TMC2: variants seen among roughly 807,000 people sequenced by gnomAD.
TMC2 encodes the protein transmembrane channel-like protein 2.
A neutral mutation model predicts 105.9 loss-of-function variants in TMC2; 102 were observed. That is an observed-to-expected ratio of 0.96 (90% CI 0.82 to 1.14). TMC2 has a LOEUF of 1.14. Among genes scored for constraint, TMC2 ranks in the 50% most tolerant of loss-of-function variants. The pLI is 0.00. For synonymous variants in TMC2, 402 were observed against 422.8 expected, an observed-to-expected ratio of 0.95 and a Z score of 0.60; for missense variants, 1,093 against 1,134.3, an observed-to-expected ratio of 0.96 and a Z score of 0.52.
intron 17 of TMC2, among the ~76,000 whole-genome samples, chr20:2,629,794 G>T (rs1199290198): frequency 6.6e-6 from 1 of 152,186 alleles, no homozygotes; most frequent in African/African-American, 2.4e-5. Context: ...TAGACCAGGG[G>T]TCATCAAACT....
At chr20:2,552,526 T>C (rs1480350622) in intron 2 of TMC2, among the ~76,000 whole-genome samples, 2 of 152,144 alleles carry the variant, frequency 1.3e-5, no homozygotes, top group Non-Finnish European at 1.5e-5. Context: ...CATTTATTTG[T>C]TTGTTTGTTT....
chr20:2,541,736 G>T (rs1157232579), intron 2 of TMC2, among the ~76,000 whole-genome samples: 1 of 151,970 alleles, frequency 6.6e-6, no homozygotes, highest in African/African-American at 2.4e-5. Context: ...TGCATAAAGA[G>T]TTGCTTTACA....
At chr20:2,612,442 C>G (rs1187408654) in intron 13 of TMC2, 102 bp downstream of exon 13, 1 of 1,155,922 alleles carries the variant, frequency 8.7e-7, no homozygotes, top group Admixed American at 2.8e-5. Context: ...AACTTACCAG[C>G]TGTTCATCCA....
At chr20:2,611,901 G>T (rs1028733293) in intron 12 of TMC2, among the ~76,000 whole-genome samples, 7 of 151,326 alleles carry the variant, frequency 4.6e-5, no homozygotes, top group Admixed American at 1.3e-4. Context: ...TGGATGGATG[G>T]ATGGATGGAT....
chr20:2,623,961 A>G (rs2086545384), intron 16 of TMC2, among the ~76,000 whole-genome samples: 1 of 151,578 alleles, frequency 6.6e-6, no homozygotes, highest in African/African-American at 2.4e-5. Flanking sequence ...GTTAGAATAC[A>G]TGAGGAAAAC....
chr20:2,637,440 T>TGGGC (rs1568533373), intron 18 of TMC2, 34 bp from the exon 19 acceptor site: 3 of 1,459,808 alleles, frequency 2.1e-6, no homozygotes, highest in Admixed American at 1.7e-5. Flanking sequence ...ACCCATTTCC[T>TGGGC]GGGCCAGGAC....
intron 7 of TMC2, among the ~76,000 whole-genome samples, chr20:2,585,714 A>G (rs1333223894): frequency 1.3e-5 from 2 of 152,212 alleles, no homozygotes; most frequent in East Asian, 3.8e-4. Flanking sequence ...CCCAAGGTTC[A>G]GGTACTCAGT....
chr20:2,582,904 G>C (rs951487522), intron 7 of TMC2, among the ~76,000 whole-genome samples: 22 of 152,134 alleles, frequency 1.4e-4, no homozygotes, highest in African/African-American at 5.3e-4. Flanking sequence ...AATTGCCATT[G>C]CCTGCACAAC....
intron 16 of TMC2, among the ~76,000 whole-genome samples, chr20:2,623,914 G>A (rs1357593535): frequency 1.3e-5 from 2 of 152,220 alleles, no homozygotes; most frequent in Non-Finnish European, 2.9e-5. Context: ...GAAGCTCCAT[G>A]TTGGCCTGGT....
intron 18 of TMC2, among the ~76,000 whole-genome samples, chr20:2,637,110 C>G (rs1224959116): frequency 1.3e-5 from 2 of 151,774 alleles, no homozygotes. Context: ...GAAAACAGGC[C>G]GGGCATGGTG....
chr20:2,557,278 TTC>T (rs2085990608), intron 2 of TMC2, among the ~76,000 whole-genome samples: 1 of 152,240 alleles, frequency 6.6e-6, no homozygotes, highest in African/African-American at 2.4e-5. Flanking sequence ...GAAATTTCTT[TTC>T]TTTTTGCTTT....
chr20:2,616,536 A>AGAG lies in TMC2; in HGVS notation c.1940+338_1940+340dup, dbSNP rs72343949. On this transcript the variant is annotated intron_variant, in intron 15 of 19. Transcript: ENST00000358864. This position sits in a 1 kb window ranked among gnomAD's most constrained non-coding sequence, Gnocchi z 4.8. ...GAAAGGGAAAAGGAAGGAGTAAAGA[A>AGAG]GAGGAGGAAAAGAGGAGGAAAGGAA... Among the ~76,000 whole-genome samples, 1 of 102,630 alleles carries AGAG rather than the reference A, an allele frequency of 9.7e-6. No individual in the cohort carries two copies. Among genetic ancestry groups the AGAG allele is most frequent in the East Asian group, 3.9e-4 (1 of 2,566 alleles). The allele number at this position is 102,630 out of a possible 152,430, so 67.3% of individuals were successfully genotyped here. A position where few individuals can be genotyped will look rare whatever the true frequency, so the allele number is the denominator to read the frequency against.
At position 2,612,341 on chromosome 20, in the gene TMC2, G is replaced by A. The variant is rs756795730; in HGVS notation, c.1743+1G>A. On this transcript the variant is annotated splice_donor_variant, in intron 13 of 19. Transcript: ENST00000358864. LOFTEE classifies it high-confidence loss of function. ...TTGCTGGGAGACAGCTGTGGGCATT[G>A]TGAGTAGTTACACTCTCTAAAAAGG... The A allele has an allele frequency of 6.4e-7, 1 of 1,567,458 alleles. No individual in the cohort carries two copies.
chr20:2,590,141 A>T (rs921324280), intron 7 of TMC2, among the ~76,000 whole-genome samples: 1 of 152,216 alleles, frequency 6.6e-6, no homozygotes, highest in African/African-American at 2.4e-5. Flanking sequence ...GTAATGTTGT[A>T]TGAAAAAAAC....
intron 6 of TMC2, 116 bp from the exon 7 acceptor site, chr20:2,579,834 C>T (rs2086175719): frequency 1.6e-6 from 1 of 625,020 alleles, no homozygotes; most frequent in Non-Finnish European, 2.9e-6. Flanking sequence ...AAGGGAGATC[C>T]AGGTGTCATT....
chr20:2,571,427 A>G (rs916216368), intron 4 of TMC2, among the ~76,000 whole-genome samples: 1 of 152,238 alleles, frequency 6.6e-6, no homozygotes, highest in Non-Finnish European at 1.5e-5. Flanking sequence ...TATCAGAAAA[A>G]TGCAAATCAA....
chr20:2,554,142 C>T (rs1448224752), intron 2 of TMC2, among the ~76,000 whole-genome samples: 1 of 152,142 alleles, frequency 6.6e-6, no homozygotes. Context: ...TCTGCCTCAG[C>T]CTCCCAAAGT....
chr20:2,574,616 C>T (rs968841768), intron 5 of TMC2, among the ~76,000 whole-genome samples: 2 of 152,098 alleles, frequency 1.3e-5, no homozygotes, highest in Admixed American at 1.3e-4. Flanking sequence ...AATTCATATT[C>T]TTCCTGAAAC....
chr20:2,629,566 G>T (rs946506263), intron 17 of TMC2, among the ~76,000 whole-genome samples: 1 of 144,364 alleles, frequency 6.9e-6, no homozygotes, highest in East Asian at 2.0e-4. Context: ...AAAAGGTGGT[G>T]GTGAATTTAG....
Sources: gnomAD v4.1 joint callset for allele counts (sites outside exome capture counted in the v4.1 genomes callset) on GRCh38, gnomAD v4.1.1 for gene constraint, Gnocchi (gnomAD v3.1) non-coding constraint, MANE v1.5 for transcripts, NCBI Gene and HGNC (gene_info 2026-07-23, HGNC 2026-07-21) for gene names.